ADGRV1: variants seen among roughly 807,000 people sequenced by gnomAD.
ADGRV1 encodes the protein G-protein coupled receptor 98.
Under a neutral mutation model 596.2 loss-of-function variants are expected in ADGRV1, and 359 were observed. The ratio of observed to expected loss-of-function variants is 0.60; its 90% CI spans 0.55 to 0.66. The LOEUF is 0.66. ADGRV1 is among the 30% of genes least tolerant of loss of function. ADGRV1 has a pLI of 0.00. For missense variants in ADGRV1, 7,274 were observed against 7,575.6 expected, an observed-to-expected ratio of 0.96 and a Z score of 1.48; for synonymous variants, 2,681 against 2,679.2, an observed-to-expected ratio of 1.00 and a Z score of -0.02.
chr5:90,601,686 T>C (rs1434338111), intron 1 of ADGRV1, among the ~76,000 whole-genome samples: 2 of 152,216 alleles, frequency 1.3e-5, no homozygotes, highest in Non-Finnish European at 2.9e-5. Context: ...ATAGTTGCCC[T>C]GCTGGTAAGT....
intron 83 of ADGRV1, among the ~76,000 whole-genome samples, chr5:90,879,629 G>GT (rs1719494138): frequency 6.6e-6 from 1 of 151,472 alleles, no homozygotes; most frequent in African/African-American, 2.4e-5. Context: ...ATGGTAAGGC[G>GT]TATGTTTAAT....
intron 21 of ADGRV1, 108 bp downstream of exon 21, chr5:90,658,386 A>C (rs1056635120): frequency 2.0e-6 from 2 of 991,154 alleles, no homozygotes; most frequent in African/African-American, 3.3e-5. Flanking sequence ...ATCTACTCCA[A>C]GTCCAGAAGT....
chr5:90,646,207 C>T, intron 16 of ADGRV1, 116 bp downstream of exon 16: 1 of 509,362 alleles, frequency 2.0e-6, no homozygotes, highest in Non-Finnish European at 2.9e-6. Context: ...CATTTATATA[C>T]ATATATATTT....
At chr5:90,826,017 T>C (rs1764045154) in intron 76 of ADGRV1, among the ~76,000 whole-genome samples, 1 of 152,184 alleles carries the variant, frequency 6.6e-6, no homozygotes, top group Admixed American at 6.5e-5. Flanking sequence ...GGTTAATATA[T>C]ATTCTAGTTT....
At chr5:90,699,094 C>T (rs1489472074) in intron 34 of ADGRV1, among the ~76,000 whole-genome samples, 1 of 152,136 alleles carries the variant, frequency 6.6e-6, no homozygotes, top group Non-Finnish European at 1.5e-5. Context: ...GTGTTTGCTT[C>T]TGGTCTGTGA....
chr5:91,027,951 A>G (rs912234187), intron 85 of ADGRV1, among the ~76,000 whole-genome samples: 3 of 152,006 alleles, frequency 2.0e-5, no homozygotes, highest in Non-Finnish European at 4.4e-5. Flanking sequence ...TTTTTTTCCA[A>G]ATCAGGATTT....
rs754687318 is a variant in ADGRV1, at chr5:90,745,613, C to T, written c.10792C>T (p.Pro3598Ser). The change falls in exon 52 of 90, where the codon CCT becomes TCT. Residue 3598 changes from proline to serine, a missense_variant. Pro to Ser is a moderately conservative substitution (Grantham distance 74). Coordinates refer to ENST00000405460, the MANE Select transcript of ADGRV1 (RefSeq NM_032119.4). ...TAGTTCAGGTGAACTGATATTTGAA[C>T]CTGGTGAGAGAGAAGCTACAATAGC... ...IPSSGELIFE[P>S]GEREATIAVN... The T allele has an allele frequency of 1.2e-6, 2 of 1,610,722 alleles. No individual in the cohort carries two copies. The highest frequency in any genetic ancestry group is 1.3e-5 in the African/African-American group (1 of 74,900).
At chr5:90,887,038 C>T (rs960159852) in intron 83 of ADGRV1, among the ~76,000 whole-genome samples, 3 of 152,210 alleles carry the variant, frequency 2.0e-5, no homozygotes, top group Admixed American at 1.3e-4. Flanking sequence ...CCAGTGTCAT[C>T]TTTTAAAGAT....
At chr5:91,076,426 G>A (rs747385538) in intron 86 of ADGRV1, among the ~76,000 whole-genome samples, 6 of 152,080 alleles carry the variant, frequency 3.9e-5, no homozygotes, top group Non-Finnish European at 5.9e-5. Context: ...GAACCATTTA[G>A]TATTCATCTC....
intron 75 of ADGRV1, 28 bp from the exon 76 acceptor site, chr5:90,823,397 A>G (rs576265310): frequency 6.2e-7 from 1 of 1,609,210 alleles, no homozygotes; most frequent in Admixed American, 1.7e-5. Flanking sequence ...ACCCTCTGTT[A>G]AGGCATTGGT....
At chr5:91,103,624 A>G (rs1487076190) in intron 87 of ADGRV1, among the ~76,000 whole-genome samples, 1 of 151,960 alleles carries the variant, frequency 6.6e-6, no homozygotes, top group Admixed American at 6.6e-5. Flanking sequence ...ATTGTTTTAG[A>G]TTTTCAAATA....
intron 27 of ADGRV1, among the ~76,000 whole-genome samples, 163 bp downstream of exon 27, chr5:90,681,617 A>G (rs1744942377): frequency 6.6e-6 from 1 of 152,154 alleles, no homozygotes; most frequent in Non-Finnish European, 1.5e-5. Context: ...GTCGTTTGGC[A>G]TTTATTTTTG....
At chr5:91,085,889 T>A (rs2126540200) in intron 86 of ADGRV1, among the ~76,000 whole-genome samples, 1 of 152,338 alleles carries the variant, frequency 6.6e-6, no homozygotes, top group East Asian at 1.9e-4. Context: ...TTCATACAAG[T>A]TGCCTGTTCT....
chr5:91,077,095 C>A (rs892319916), intron 86 of ADGRV1, among the ~76,000 whole-genome samples: 1 of 152,148 alleles, frequency 6.6e-6, no homozygotes, highest in African/African-American at 2.4e-5. Flanking sequence ...ACTGTAAATT[C>A]ACGTTTTGCC....
intron 85 of ADGRV1, among the ~76,000 whole-genome samples, chr5:91,028,745 T>G (rs912717164): frequency 1.3e-5 from 2 of 149,364 alleles, no homozygotes; most frequent in Admixed American, 1.3e-4. Flanking sequence ...TTTTTTTTTT[T>G]TTTTTTTTTT....
At position 90,692,706 on chromosome 5, in the gene ADGRV1, A is replaced by T. The variant is rs560574342; in HGVS notation, c.7053A>T (p.Thr2351=). ...CTGCCAATGATGATCCTTATGGTAC[A>T]GTAGCCTTTGCTCAGATGGTTTATC... ...IIPANDDPYG[T]VAFAQMVYRV... The change falls in exon 32 of 90, where the codon ACA becomes ACT. Residue 2351 remains threonine, a synonymous_variant. Transcript: ENST00000405460. 1 of 1,610,708 alleles carries T rather than the reference A, an allele frequency of 6.2e-7. No homozygotes were observed. The highest frequency in any genetic ancestry group is 1.3e-5 in the African/African-American group (1 of 75,006).
chr5:90,872,065 A>T (rs925050453), intron 83 of ADGRV1, among the ~76,000 whole-genome samples: 1 of 152,178 alleles, frequency 6.6e-6, no homozygotes, highest in African/African-American at 2.4e-5. Context: ...ATCCTTCCAG[A>T]GAACCTGAGC....
At position 91,031,468 on chromosome 5, in the gene ADGRV1, T is replaced by C. The variant is rs577785375; in HGVS notation, c.18153-40979T>C. Among the ~76,000 whole-genome samples, 16 of 152,320 alleles carry C rather than the reference T, an allele frequency of 1.1e-4. No homozygotes were observed. The South Asian group carries it at 3.3e-3, about 32-fold the overall frequency. On this transcript the variant is annotated intron_variant, in intron 85 of 89. Transcript: ENST00000405460. ...TCAACTCTGAATAATCTGGTGGCTT[T>C]GGCATTTCAGAGAAAGCCACCATAA...
At chr5:90,771,964 A>G (rs896615842) in intron 59 of ADGRV1, among the ~76,000 whole-genome samples, 2 of 152,170 alleles carry the variant, frequency 1.3e-5, no homozygotes, top group Non-Finnish European at 2.9e-5. Flanking sequence ...ATTTATTACT[A>G]TCTTTCGTAA....
Sources: gnomAD v4.1 joint callset for allele counts (sites outside exome capture counted in the v4.1 genomes callset) on GRCh38, gnomAD v4.1.1 for gene constraint, MANE v1.5 for transcripts, NCBI Gene and HGNC (gene_info 2026-07-23, HGNC 2026-07-21) for gene names.